Variants in GMDS observed in about 807,000 individuals in gnomAD.
The protein encoded by GMDS is GDP-mannose 4,6 dehydratase.
In GMDS, 20 loss-of-function variants were observed where a neutral mutation model predicts 49.9. That is an observed-to-expected ratio of 0.40 (90% CI 0.28 to 0.58). GMDS has a LOEUF of 0.58. Ranked by LOEUF, GMDS falls within the 20% of genes least tolerant of loss-of-function variation. The pLI is 0.42. For synonymous variants in GMDS, 177 were observed against 178.6 expected, an observed-to-expected ratio of 0.99 and a Z score of 0.07; for missense variants, 362 against 481.4, an observed-to-expected ratio of 0.75 and a Z score of 2.32.
intron 9 of GMDS, among the ~76,000 whole-genome samples, chr6:1,653,235 A>G (rs1763772423): frequency 6.6e-6 from 1 of 152,184 alleles, no homozygotes; most frequent in African/African-American, 2.4e-5. Flanking sequence ...TTTTTCCATG[A>G]CCACATATAC....
intron 4 of GMDS, among the ~76,000 whole-genome samples, chr6:2,085,428 T>G (rs539748206): frequency 2.6e-4 from 40 of 152,238 alleles, no homozygotes; most frequent in Non-Finnish European, 5.4e-4. Flanking sequence ...ATTAACATTA[T>G]TCTTAATTGT....
chr6:1,789,066 C>A (rs1769424650), intron 7 of GMDS, among the ~76,000 whole-genome samples: 1 of 152,286 alleles, frequency 6.6e-6, no homozygotes, highest in East Asian at 1.9e-4. Context: ...ACTCAGGACA[C>A]AATAGTCATG....
At chr6:2,109,255 G>A (rs1330862316) in intron 4 of GMDS, among the ~76,000 whole-genome samples, 1 of 152,178 alleles carries the variant, frequency 6.6e-6, no homozygotes, top group Non-Finnish European at 1.5e-5. Flanking sequence ...TGCATTCACT[G>A]CTTGCCTCCT....
chr6:1,922,450 G>C (rs1761762992), intron 7 of GMDS, among the ~76,000 whole-genome samples: 1 of 152,288 alleles, frequency 6.6e-6, no homozygotes, highest in African/African-American at 2.4e-5. Flanking sequence ...GGCAGACAGG[G>C]GCAGGTCCCT....
chr6:2,108,916 C>T (rs1261654779), intron 4 of GMDS, among the ~76,000 whole-genome samples: 1 of 152,010 alleles, frequency 6.6e-6, no homozygotes, highest in African/African-American at 2.4e-5. Flanking sequence ...ATTCTAGAGC[C>T]CATTTATTAA....
chr6:2,067,671 C>T (rs200348348), intron 4 of GMDS, among the ~76,000 whole-genome samples: 32,127 of 151,410 alleles, frequency 0.21, 3,642 homozygotes, highest in South Asian at 0.29. Flanking sequence ...CTAGAAGAAA[C>T]AGATAAATTC....
intron 6 of GMDS, among the ~76,000 whole-genome samples, chr6:1,943,175 T>C (rs1045661732): frequency 4.6e-5 from 7 of 152,218 alleles, no homozygotes; most frequent in Non-Finnish European, 8.8e-5. Flanking sequence ...CCCCCCAGCA[T>C]GCACAGGTGT....
At chr6:2,204,099 G>A (rs999601247) in intron 1 of GMDS, among the ~76,000 whole-genome samples, 9 of 152,100 alleles carry the variant, frequency 5.9e-5, no homozygotes, top group African/African-American at 2.2e-4. Flanking sequence ...TTTTGATAGG[G>A]TTAGGGATAG....
rs56095985 is a variant in GMDS at position 1,969,289 on chromosome 6, A to AAAAAAAG, written c.346-8324_346-8323insCTTTTTT. 8.7e-3 allele frequency among the ~76,000 whole-genome samples: 731 copies of AAAAAAAG among 84,298 alleles called. 92 individuals carry two copies. Among genetic ancestry groups the AAAAAAAG allele is most frequent in the Non-Finnish European group, 0.012 (516 of 43,252 alleles). 55.3% of individuals were successfully genotyped at this position (84,298 alleles called of 152,430 possible). A position where few individuals can be genotyped will look rare whatever the true frequency, so the allele number is the denominator to read the frequency against. ...AAAAAAAAAAAAAAAAAAAAAAAAA[A>AAAAAAAG]AGAGAAAGAAAGAAAAAAAGAAATT... On this transcript the variant is annotated intron_variant, in intron 4 of 10. Transcript: ENST00000380815.
chr6:1,841,097 T>A (rs1446330841), intron 7 of GMDS, among the ~76,000 whole-genome samples: 5 of 152,216 alleles, frequency 3.3e-5, no homozygotes, highest in Admixed American at 2.0e-4. Flanking sequence ...GGGATTTTTT[T>A]AAGCTTTGTT....
intron 7 of GMDS, among the ~76,000 whole-genome samples, chr6:1,893,979 C>T (rs931737554): frequency 5.3e-5 from 8 of 152,172 alleles, no homozygotes; most frequent in Admixed American, 2.6e-4. Context: ...TCTGGTTTCT[C>T]TTACTGCAGC....
intron 9 of GMDS, among the ~76,000 whole-genome samples, chr6:1,693,747 A>G (rs1051871433): frequency 6.6e-6 from 1 of 152,152 alleles, no homozygotes; most frequent in African/African-American, 2.4e-5. Context: ...TATTTCAGGA[A>G]AATAAAATGG....
chr6:1,628,336 C>T (rs1055312543), intron 9 of GMDS, among the ~76,000 whole-genome samples: 3 of 152,212 alleles, frequency 2.0e-5, no homozygotes, highest in Non-Finnish European at 2.9e-5. Flanking sequence ...TAGATAACAA[C>T]GCAGCTTTAA....
chr6:2,075,417 C>T (rs1256720727), intron 4 of GMDS, among the ~76,000 whole-genome samples: 1 of 152,168 alleles, frequency 6.6e-6, no homozygotes, highest in Admixed American at 6.5e-5. Flanking sequence ...GCTATCCCTC[C>T]CCACAACAGG....
intron 9 of GMDS, among the ~76,000 whole-genome samples, chr6:1,704,371 T>G (rs1581482134): frequency 6.8e-6 from 1 of 146,488 alleles, no homozygotes; most frequent in Non-Finnish European, 1.5e-5. Context: ...GCTGGCAGAG[T>G]GGTGTGGGCT....
At chr6:1,959,207 T>C (rs1430844541) in intron 6 of GMDS, among the ~76,000 whole-genome samples, 1 of 152,160 alleles carries the variant, frequency 6.6e-6, no homozygotes, top group Non-Finnish European at 1.5e-5. Context: ...ATTTCTCAAT[T>C]AGCTAGAAAA....
At chr6:1,634,837 C>T (rs1763095025) in intron 9 of GMDS, among the ~76,000 whole-genome samples, 2 of 151,944 alleles carry the variant, frequency 1.3e-5, no homozygotes, top group Admixed American at 6.6e-5. Flanking sequence ...GGGGACATAG[C>T]GACGGAAAGG....
intron 4 of GMDS, among the ~76,000 whole-genome samples, chr6:2,085,114 T>A (rs1772936817): frequency 6.6e-6 from 1 of 152,158 alleles, no homozygotes; most frequent in Non-Finnish European, 1.5e-5. Context: ...TTAACCAATG[T>A]CATGAGATCC....
intron 1 of GMDS, among the ~76,000 whole-genome samples, chr6:2,161,123 T>C (rs144391112): frequency 1.0e-3 from 157 of 152,086 alleles, no homozygotes; most frequent in African/African-American, 3.5e-3. Context: ...GCAATTCTCA[T>C]GCCTCAGCCT....
Sources: allele counts gnomAD v4.1 joint callset (sites outside exome capture counted in the v4.1 genomes callset), GRCh38; gene constraint gnomAD v4.1.1; transcripts MANE v1.5; gene names NCBI Gene and HGNC (gene_info 2026-07-23, HGNC 2026-07-21).